Variants in PHF6 observed in about 807,000 individuals in gnomAD.
PHF6 encodes PHD finger protein 6, also known as PHD-like zinc finger protein.
PHF6 carries 7 observed loss-of-function variants against 34.0 expected under a neutral mutation model. The ratio of observed to expected loss-of-function variants is 0.21; its 90% CI spans 0.12 to 0.39. The LOEUF (loss-of-function observed/expected upper bound fraction) is 0.39. PHF6 is among the 10% of genes least tolerant of loss of function. PHF6 has a pLI of 1.00. For missense variants in PHF6, 128 were observed against 262.8 expected (o/e 0.49, Z 3.55); for synonymous variants, 89 against 88.4 (o/e 1.01, Z -0.04).
intron 3 of PHF6, among the ~76,000 whole-genome samples, chrX:134,393,203 A>G (rs2077362523): frequency 8.9e-6 from 1 of 111,972 alleles, no homozygotes; most frequent in Non-Finnish European, 1.9e-5. Flanking sequence ...CTCTTTTATA[A>G]TGTTATATAC....
chrX:134,408,172 C>T (rs756694872), intron 5 of PHF6, among the ~76,000 whole-genome samples: 1 of 112,220 alleles, frequency 8.9e-6, no homozygotes, highest in Non-Finnish European at 1.9e-5. Context: ...AAACAATCCA[C>T]CCGCCTTGGC....
At chrX:134,373,491 G>GC (rs1306643285) in intron 1 of PHF6, 24 bp downstream of exon 1, 2 of 112,259 alleles carry the variant, frequency 1.8e-5, no homozygotes, top group Non-Finnish European at 3.8e-5. Context: ...GAACCCTGGG[G>GC]CCCCCCATTC....
chrX:134,392,823 G>A (rs768868959), intron 3 of PHF6, among the ~76,000 whole-genome samples: 5 of 107,096 alleles, frequency 4.7e-5, no homozygotes, highest in Admixed American at 1.0e-4. Context: ...TTTTTTAGAC[G>A]GAGTCTCGCT....
intron 7 of PHF6, 55 bp downstream of exon 7, chrX:134,414,021 GT>G: frequency 8.7e-7 from 1 of 1,149,910 alleles, no homozygotes; most frequent in East Asian, 3.0e-5. Flanking sequence ...GTTTTTCTTT[GT>G]TTCCCCTGTG....
chrX:134,415,724 G>A (rs916537760), intron 8 of PHF6, among the ~76,000 whole-genome samples: 7 of 110,729 alleles, frequency 6.3e-5, no homozygotes, highest in Non-Finnish European at 1.1e-4. Flanking sequence ...CAAACATACC[G>A]CAATTGGAAA....
chrX:134,419,918 C>T (rs780521924), intron 9 of PHF6: 5 of 112,360 alleles, frequency 4.4e-5, no homozygotes, highest in South Asian at 3.6e-4. Context: ...CATTGACTCA[C>T]GTCTATAATC....
chrX:134,398,523 A>G (rs759923352), intron 5 of PHF6, among the ~76,000 whole-genome samples: 1 of 111,979 alleles, frequency 8.9e-6, no homozygotes, highest in Non-Finnish European at 1.9e-5. Context: ...AAGCAAAGAG[A>G]ATGGCTTGTT....
chrX:134,411,916 T>TAG (rs1384674188), intron 5 of PHF6, among the ~76,000 whole-genome samples: 2 of 111,299 alleles, frequency 1.8e-5, no homozygotes, highest in African/African-American at 6.5e-5. Context: ...GTATTTTTAG[T>TAG]AGAGACGGGG....
intron 3 of PHF6, among the ~76,000 whole-genome samples, chrX:134,383,641 T>A (rs976395624): frequency 8.9e-6 from 1 of 111,887 alleles, no homozygotes; most frequent in African/African-American, 3.2e-5. Flanking sequence ...CTAAGTTTTT[T>A]AATTATATGA....
intron 3 of PHF6, 53 bp from the exon 4 acceptor site, chrX:134,393,448 T>A (rs1170457502): frequency 1.0e-5 from 12 of 1,179,589 alleles, no homozygotes; most frequent in Non-Finnish European, 1.1e-5. Context: ...TAATCTGATA[T>A]ACAGCCTTAG....
At chrX:134,373,988 A>T (rs866615170) in intron 1 of PHF6, among the ~76,000 whole-genome samples, 2 of 110,730 alleles carry the variant, frequency 1.8e-5, no homozygotes, top group African/African-American at 6.6e-5. Flanking sequence ...ATTTTCCTAG[A>T]TTCGGGAGGA....
chrX:134,398,217 A>C (rs935533513), intron 5 of PHF6, among the ~76,000 whole-genome samples: 1 of 111,406 alleles, frequency 9.0e-6, no homozygotes, highest in African/African-American at 3.3e-5. Flanking sequence ...ACATAGCGAG[A>C]CCCTCTCTCT....
intron 3 of PHF6, among the ~76,000 whole-genome samples, chrX:134,392,559 T>C (rs938000152): frequency 8.9e-6 from 1 of 112,225 alleles, no homozygotes; most frequent in African/African-American, 3.2e-5. Flanking sequence ...TCTGTTCTTT[T>C]ATCTGTTTGC....
intron 5 of PHF6, among the ~76,000 whole-genome samples, chrX:134,399,352 A>C (rs1040798807): frequency 9.0e-6 from 1 of 111,110 alleles, no homozygotes; most frequent in Non-Finnish European, 1.9e-5. Context: ...AAATCCATAG[A>C]ATGTACCACA....
At chrX:134,416,193 CAT>C (rs2077471852) in intron 8 of PHF6, among the ~76,000 whole-genome samples, 1 of 110,596 alleles carries the variant, frequency 9.0e-6, no homozygotes, top group Non-Finnish European at 1.9e-5. Context: ...CTCCTGACCT[CAT>C]GTGATCCACC....
chrX:134,391,065 C>G (rs1228391457), intron 3 of PHF6, among the ~76,000 whole-genome samples: 4 of 104,429 alleles, frequency 3.8e-5, no homozygotes, highest in Non-Finnish European at 7.8e-5. Context: ...ACCTTTACCT[C>G]CCAGGTTCAA....
At chrX:134,398,358 C>G (rs966267586) in intron 5 of PHF6, among the ~76,000 whole-genome samples, 3 of 111,955 alleles carry the variant, frequency 2.7e-5, no homozygotes, top group Admixed American at 9.5e-5. Flanking sequence ...CCACTGCACT[C>G]CAGCCTAGGC....
intron 5 of PHF6, among the ~76,000 whole-genome samples, chrX:134,401,908 TA>T (rs917536983): frequency 4.4e-5 from 5 of 112,519 alleles, no homozygotes; most frequent in Admixed American, 9.4e-5. Flanking sequence ...AAAAGTATCT[TA>T]AAAATGTTAT....
Position 134,378,028 on chromosome X carries a change from A to G in PHF6, c.162A>G (p.Ser54=). The G allele has an allele frequency of 1.7e-6, 2 of 1,200,332 alleles. No homozygotes were observed. Among genetic ancestry groups the G allele is most frequent in the Non-Finnish European group, 2.2e-6 (2 of 888,943 alleles). ...AGCTCTTTTCATCTGCTTTGGTATCATCACACTCTGATAATGAAAGTCTTG... is the reference window on the plus strand; with the variant it reads ...AGCTCTTTTCATCTGCTTTGGTATCGTCACACTCTGATAATGAAAGTCTTG... ...KCMLFSSALV[S]SHSDNESLGG... Residue 54 remains serine, a synonymous_variant, in exon 3 of 11, where the codon TCA becomes TCG. Coordinates refer to ENST00000370803, the MANE Select transcript of PHF6 (RefSeq NM_001015877.2).
Sources: allele counts gnomAD v4.1 joint callset (sites outside exome capture counted in the v4.1 genomes callset), GRCh38; gene constraint gnomAD v4.1.1; transcripts MANE v1.5; gene names NCBI Gene and HGNC (gene_info 2026-07-23, HGNC 2026-07-21).